LSAMP: variants seen among roughly 807,000 people sequenced by gnomAD.
LSAMP encodes the protein limbic system associated membrane protein.
A neutral mutation model predicts 38.6 loss-of-function variants in LSAMP; 7 were observed. The ratio of observed to expected loss-of-function variants is 0.18; its 90% confidence interval spans 0.10 to 0.34. The LOEUF is 0.34. Ranked by LOEUF, LSAMP falls within the 10% of genes least tolerant of loss-of-function variation. The pLI, the probability that LSAMP is intolerant of heterozygous loss-of-function variation, is 1.00. For missense variants in LSAMP, 313 were observed against 420.0 expected (o/e 0.75, Z 2.23); for synonymous variants, 154 against 166.8 (o/e 0.92, Z 0.59).
At position 116,445,098 on chromosome 3, in the gene LSAMP, G is replaced by T. The variant is rs748100683; in HGVS notation, c.-67C>A. On this transcript the variant is annotated 5_prime_UTR_variant, in exon 1 of 7. Coordinates refer to ENST00000490035, the MANE Select transcript of LSAMP (RefSeq NM_002338.5). Reference sequence around the variant, plus strand: ...GGGTGCGCGCTGCTCGCGAGGAGAGGCTTCACCAACACGGGGCTTTCATCC... The same window carrying T: ...GGGTGCGCGCTGCTCGCGAGGAGAGTCTTCACCAACACGGGGCTTTCATCC... 4.0e-6 allele frequency: 6 copies of T among 1,502,790 alleles called. No individual in the cohort carries two copies. The highest frequency in any genetic ancestry group is 5.4e-6 in the Non-Finnish European group (6 of 1,107,994). The allele number at this position is 1,502,790 out of a possible 1,614,324, so 93.1% of individuals were successfully genotyped here. A position where few individuals can be genotyped will look rare whatever the true frequency, so the allele number is the denominator to read the frequency against.
intron 3 of LSAMP, among the ~76,000 whole-genome samples, chr3:115,980,125 A>G (rs1939314236): frequency 6.6e-6 from 1 of 152,148 alleles, no homozygotes; most frequent in Admixed American, 6.5e-5. Context: ...TGAGAGTTTA[A>G]CCTAGAATTG....
chr3:115,922,790 A>C (rs1368672906), intron 3 of LSAMP, among the ~76,000 whole-genome samples: 1 of 151,920 alleles, frequency 6.6e-6, no homozygotes, highest in East Asian at 1.9e-4. Context: ...TGTGAGTTTA[A>C]TTTCTCATGT....
At chr3:116,436,929 T>C (rs1286803142) in intron 1 of LSAMP, among the ~76,000 whole-genome samples, 2 of 151,812 alleles carry the variant, frequency 1.3e-5, no homozygotes, top group African/African-American at 4.8e-5. Context: ...TGCAAAATTG[T>C]GAAGCCAACC....
chr3:116,089,290 T>C (rs1708063925), intron 1 of LSAMP, among the ~76,000 whole-genome samples: 1 of 152,236 alleles, frequency 6.6e-6, no homozygotes, highest in Admixed American at 6.5e-5. Flanking sequence ...TATCCGTATT[T>C]ATTTTTAAAA....
intron 3 of LSAMP, among the ~76,000 whole-genome samples, chr3:115,914,904 A>G (rs1385844231): frequency 1.3e-5 from 2 of 152,160 alleles, no homozygotes; most frequent in Non-Finnish European, 2.9e-5. Flanking sequence ...TGGGAAGTAC[A>G]TTTTTATACT....
chr3:116,306,323 T>C (rs1306369672), intron 1 of LSAMP, among the ~76,000 whole-genome samples: 2 of 152,012 alleles, frequency 1.3e-5, no homozygotes, highest in African/African-American at 4.8e-5. Flanking sequence ...AATATTCCTG[T>C]ATGCAAAATT....
chr3:116,209,264 ACGGTGCGCGCACC>A (rs1468646408), intron 1 of LSAMP, among the ~76,000 whole-genome samples: 1 of 152,092 alleles, frequency 6.6e-6, no homozygotes, highest in Non-Finnish European at 1.5e-5. Context: ...TGGCTCGCGC[ACGGTGCGCGCACC>A]CACTGACCTG....
chr3:115,921,304 C>T (rs183005627), intron 3 of LSAMP, among the ~76,000 whole-genome samples: 1 of 151,892 alleles, frequency 6.6e-6, no homozygotes, highest in East Asian at 1.9e-4. Flanking sequence ...TTTCATTGAT[C>T]TTGTAGTGAC....
At chr3:115,848,842 G>A (rs1935241809) in intron 4 of LSAMP, among the ~76,000 whole-genome samples, 1 of 152,196 alleles carries the variant, frequency 6.6e-6, no homozygotes, top group Non-Finnish European at 1.5e-5. Context: ...CTTGAGAGCT[G>A]GGAGCAGCTT....
chr3:116,206,732 T>C (rs571985948), intron 1 of LSAMP, among the ~76,000 whole-genome samples: 41 of 151,988 alleles, frequency 2.7e-4, no homozygotes, highest in Admixed American at 2.3e-3. Flanking sequence ...GATTCTTAAT[T>C]CTGAGTTCTA....
At chr3:116,152,929 A>G (rs1709645142) in intron 1 of LSAMP, among the ~76,000 whole-genome samples, 3 of 152,076 alleles carry the variant, frequency 2.0e-5, no homozygotes, top group Non-Finnish European at 2.9e-5. Flanking sequence ...CAATGTCTTT[A>G]TTAAAGAAGA....
intron 6 of LSAMP, among the ~76,000 whole-genome samples, chr3:115,838,995 G>A (rs552052953): frequency 6.6e-6 from 1 of 152,196 alleles, no homozygotes; most frequent in South Asian, 2.1e-4. Flanking sequence ...TCTCTGGATT[G>A]GCTTGGTCAG....
intron 3 of LSAMP, among the ~76,000 whole-genome samples, chr3:115,999,055 C>T (rs1425078854): frequency 6.6e-6 from 1 of 152,120 alleles, no homozygotes; most frequent in African/African-American, 2.4e-5. Context: ...GCTCATGGGG[C>T]TGTCATCCTT....
At chr3:116,037,629 T>C (rs1941075583) in intron 2 of LSAMP, among the ~76,000 whole-genome samples, 1 of 152,154 alleles carries the variant, frequency 6.6e-6, no homozygotes. Flanking sequence ...GAATATTTTC[T>C]TTTATGTAAT....
chr3:115,998,414 G>C (rs1939890570), intron 3 of LSAMP, among the ~76,000 whole-genome samples: 1 of 152,110 alleles, frequency 6.6e-6, no homozygotes. Flanking sequence ...GAGATGATGG[G>C]ATTGAACTGG....
chr3:116,083,700 A>T (rs1707920791), intron 2 of LSAMP, among the ~76,000 whole-genome samples: 1 of 152,208 alleles, frequency 6.6e-6, no homozygotes, highest in African/African-American at 2.4e-5. Flanking sequence ...CTTAGAGTCT[A>T]AAGAAAGGTG....
intron 1 of LSAMP, among the ~76,000 whole-genome samples, chr3:116,398,286 T>C (rs1006816219): frequency 9.9e-5 from 15 of 152,024 alleles, no homozygotes; most frequent in Admixed American, 7.2e-4. Context: ...AAAGTAAAAA[T>C]ACACATAAAA....
At chr3:116,347,070 G>A (rs1344127198) in intron 1 of LSAMP, among the ~76,000 whole-genome samples, 2 of 152,156 alleles carry the variant, frequency 1.3e-5, no homozygotes, top group Non-Finnish European at 2.9e-5. Context: ...TACAAATGTA[G>A]GGCAAACCCA....
At chr3:115,881,973 G>T (rs551495268) in intron 3 of LSAMP, among the ~76,000 whole-genome samples, 1 of 152,144 alleles carries the variant, frequency 6.6e-6, no homozygotes, top group South Asian at 2.1e-4. Context: ...GAAATTCCTG[G>T]CTGGTTACAA....
Sources: allele counts gnomAD v4.1 joint callset (sites outside exome capture counted in the v4.1 genomes callset), GRCh38; gene constraint gnomAD v4.1.1; transcripts MANE v1.5; gene names NCBI Gene and HGNC (gene_info 2026-07-23, HGNC 2026-07-21).